MAGI1: variants seen among roughly 807,000 people sequenced by gnomAD.
MAGI1 encodes the protein membrane associated guanylate kinase, WW and PDZ domain containing 1.
A neutral mutation model predicts 139.9 loss-of-function variants in MAGI1; 58 were observed. The ratio of observed to expected loss-of-function variants is 0.41; its 90% CI spans 0.34 to 0.52. The LOEUF (loss-of-function observed/expected upper bound fraction) is 0.52. Among genes scored for constraint, MAGI1 ranks in the 20% least tolerant of loss-of-function variants. The pLI is 0.12. For missense variants in MAGI1, 1,874 were observed against 1,901.6 expected (o/e 0.99, Z 0.27); for synonymous variants, 812 against 737.9 (o/e 1.10, Z -1.63).
chr3:65,424,032 A>C (rs981585009), intron 12 of MAGI1, among the ~76,000 whole-genome samples: 2 of 152,210 alleles, frequency 1.3e-5, no homozygotes, highest in African/African-American at 4.8e-5. Flanking sequence ...ACCCATCATC[A>C]CATTGCAAAT....
chr3:65,900,889 G>A (rs958933169), intron 1 of MAGI1, among the ~76,000 whole-genome samples: 7 of 152,214 alleles, frequency 4.6e-5, no homozygotes, highest in African/African-American at 1.7e-4. Flanking sequence ...TTGAGAGGAA[G>A]AAGTATATGC....
intron 1 of MAGI1, among the ~76,000 whole-genome samples, chr3:65,828,487 G>C (rs1223016685): frequency 1.3e-5 from 2 of 152,138 alleles, no homozygotes; most frequent in African/African-American, 4.8e-5. Context: ...TTAGCAGTAA[G>C]ATGGGAGACT....
At chr3:65,912,426 T>C (rs1018569868) in intron 1 of MAGI1, among the ~76,000 whole-genome samples, 15 of 152,122 alleles carry the variant, frequency 9.9e-5, no homozygotes, top group Non-Finnish European at 2.2e-4. Flanking sequence ...CACACATGGA[T>C]CATTACGATT....
chr3:65,930,956 A>G lies in MAGI1; in HGVS notation c.313+107040T>C, dbSNP rs187154071. ...CCCCTTGTTTAGCATATAATCAAGA[A>G]GTAAACATAAAAATAGCCAACAATC... On this transcript the variant is annotated intron_variant, in intron 1 of 22. Transcript: ENST00000402939. Among the ~76,000 whole-genome samples, 65 of 152,282 alleles carry G rather than the reference A, an allele frequency of 4.3e-4. No individual in the cohort carries two copies. The East Asian group carries it at 0.011, about 26-fold the overall frequency.
At chr3:65,416,969 G>T (rs1946263607) in intron 12 of MAGI1, among the ~76,000 whole-genome samples, 1 of 152,188 alleles carries the variant, frequency 6.6e-6, no homozygotes, top group African/African-American at 2.4e-5. Flanking sequence ...CTTCCCTCCA[G>T]ATGGTGGTAA....
At chr3:65,687,678 G>C in intron 1 of MAGI1, 1 of 506,018 alleles carries the variant, frequency 2.0e-6, no homozygotes. Flanking sequence ...TAATACACAA[G>C]ATTCTGCCAA....
intron 1 of MAGI1, among the ~76,000 whole-genome samples, chr3:65,749,802 A>T (rs534214001): frequency 1.3e-5 from 2 of 152,276 alleles, no homozygotes; most frequent in Middle Eastern, 6.8e-3. Context: ...CGCTGAATCA[A>T]ATGCTGACCA....
rs1940169157 is a variant in MAGI1, at chr3:65,355,768, T to C, written c.*610A>G. 1 of 152,624 alleles carries C rather than the reference T, an allele frequency of 6.6e-6. No individual in the cohort carries two copies. 9.5% of individuals were successfully genotyped at this position (152,624 alleles called of 1,614,324 possible). ...CTATAACTCACAATATAAAACTTCTTTGTGCTGCGCAGTTTAGCTATAAAT... is the reference window on the plus strand; with the variant it reads ...CTATAACTCACAATATAAAACTTCTCTGTGCTGCGCAGTTTAGCTATAAAT... On this transcript the variant is annotated 3_prime_UTR_variant, in exon 23 of 23. Transcript: ENST00000402939.
chr3:65,442,819 T>A lies in MAGI1; in HGVS notation c.1109A>T (p.Asp370Val). The A allele has an allele frequency of 6.2e-7, 1 of 1,613,070 alleles. No individual in the cohort carries two copies. The highest frequency in any genetic ancestry group is 8.5e-7 in the Non-Finnish European group (1 of 1,179,358). Residue 370 changes from aspartate (D) to valine (V), a missense_variant, in exon 8 of 23, where the codon GAC becomes GTC. Asp to Val is a radical substitution (Grantham distance 152). Around this residue, in one of 5 missense-constraint regions of MAGI1, gnomAD observed 648 missense variants for 598.1 expected, o/e 1.08. Transcript: ENST00000402939. ...TACATAGTAGATACCATAGACAGGG[T>A]CTTCAATCTTTTCCCAACCAGCAGG... ...ELPAGWEKIE[D>V]PVYGIYYVDH...
At chr3:65,793,220 CGCT>C (rs1207405508) in intron 1 of MAGI1, among the ~76,000 whole-genome samples, 2 of 152,148 alleles carry the variant, frequency 1.3e-5, no homozygotes, top group Non-Finnish European at 2.9e-5. Context: ...ACCATGCTGG[CGCT>C]CTCAGGGCTT....
At chr3:65,787,190 A>G (rs2039454134) in intron 1 of MAGI1, among the ~76,000 whole-genome samples, 1 of 152,146 alleles carries the variant, frequency 6.6e-6, no homozygotes, top group South Asian at 2.1e-4. Context: ...AAAGTTAGGC[A>G]TGGAAAGGCA....
chr3:65,942,079 A>ACC (rs1185812125), intron 1 of MAGI1, among the ~76,000 whole-genome samples: 1 of 152,006 alleles, frequency 6.6e-6, no homozygotes, highest in Non-Finnish European at 1.5e-5. Context: ...GAGCCACCAT[A>ACC]CCCAGCCTTA....
At position 65,361,040 on chromosome 3, in the gene MAGI1, A is replaced by G; in HGVS notation, c.3634+159T>C. On this transcript the variant is annotated intron_variant, in intron 22 of 22. Transcript: ENST00000402939. ...GCAAGCAAAAGGATGAAATGTGTAG[A>G]GATTTCAGAACAAGCGAGGCAAATA... 2.0e-6 allele frequency: 3 copies of G among 1,513,330 alleles called. No homozygotes were observed. In the Admixed American group the frequency reaches 6.4e-5, roughly 33 times the overall value. The allele number at this position is 1,513,330 out of a possible 1,614,324, so 93.7% of individuals were successfully genotyped here.
At chr3:65,686,477 G>C (rs182543332) in intron 1 of MAGI1, among the ~76,000 whole-genome samples, 48 of 152,208 alleles carry the variant, frequency 3.2e-4, no homozygotes, top group Non-Finnish European at 5.9e-4. Flanking sequence ...ATTTTTAGTA[G>C]AGACAGGTTT....
chr3:65,672,711 A>C (rs1311028212), intron 1 of MAGI1, among the ~76,000 whole-genome samples: 3 of 152,228 alleles, frequency 2.0e-5, no homozygotes, highest in Non-Finnish European at 4.4e-5. Flanking sequence ...TCAGTTGATC[A>C]GATACCAATA....
chr3:65,942,745 C>T (rs949290603), intron 1 of MAGI1, among the ~76,000 whole-genome samples: 1 of 152,154 alleles, frequency 6.6e-6, no homozygotes, highest in African/African-American at 2.4e-5. Context: ...CGACCAGGTG[C>T]GGTGGCTCAC....
intron 1 of MAGI1, among the ~76,000 whole-genome samples, chr3:65,846,608 T>C (rs150619345): frequency 1.4e-3 from 211 of 152,270 alleles, no homozygotes; most frequent in African/African-American, 4.9e-3. Flanking sequence ...TGATCACCAA[T>C]ATGTTTTGAG....
chr3:65,830,143 G>A (rs575300124), intron 1 of MAGI1, among the ~76,000 whole-genome samples: 3 of 152,270 alleles, frequency 2.0e-5, no homozygotes, highest in Non-Finnish European at 2.9e-5. Context: ...AGCCAGTGTC[G>A]TGGATTGAAA....
At chr3:65,474,626 C>CACAA (rs1224687713) in intron 4 of MAGI1, among the ~76,000 whole-genome samples, 1 of 151,928 alleles carries the variant, frequency 6.6e-6, no homozygotes, top group Non-Finnish European at 1.5e-5. Flanking sequence ...CACACACACA[C>CACAA]ACACACATGC....
Sources: gnomAD v4.1 joint callset for allele counts (sites outside exome capture counted in the v4.1 genomes callset) on GRCh38, gnomAD v4.1.1 for gene constraint, gnomAD v4.1.1 regional missense constraint, MANE v1.5 for transcripts, NCBI Gene and HGNC (gene_info 2026-07-23, HGNC 2026-07-21) for gene names.